Variants in DLC1 observed in about 807,000 individuals in gnomAD.
The protein encoded by DLC1 is rho GTPase-activating protein 7.
DLC1 carries 54 observed loss-of-function variants against 140.3 expected under a neutral mutation model. The ratio of observed to expected loss-of-function variants is 0.38; its 90% CI spans 0.31 to 0.48. DLC1 has a LOEUF of 0.48. Among genes scored for constraint, DLC1 ranks in the 20% least tolerant of loss-of-function variants. The pLI, the probability that DLC1 is intolerant of heterozygous loss-of-function variation, is 0.96. For synonymous variants in DLC1, 986 were observed against 728.1 expected (o/e 1.35, Z -5.70); for missense variants, 2,536 against 1,907.0 (o/e 1.33, Z -6.14).
At chr8:13,558,656 C>G (rs1363285905) in intron 1 of DLC1, 1 of 152,044 alleles carries the variant, frequency 6.6e-6, no homozygotes, top group Non-Finnish European at 1.5e-5. Flanking sequence ...TTACATAATA[C>G]CTTATGATAA....
chr8:13,545,951 C>G (rs1803636035), intron 1 of DLC1, among the ~76,000 whole-genome samples: 1 of 151,824 alleles, frequency 6.6e-6, no homozygotes, highest in Non-Finnish European at 1.5e-5. Context: ...ATTTTAAAGC[C>G]CACTGGGATA....
At chr8:13,338,638 TGA>T (rs1488581432) in intron 4 of DLC1, 1 of 152,202 alleles carries the variant, frequency 6.6e-6, no homozygotes, top group Non-Finnish European at 1.5e-5. Flanking sequence ...AGTTCAGTTC[TGA>T]GAAGTCTATT....
At chr8:13,473,715 C>G (rs961965184) in intron 2 of DLC1, among the ~76,000 whole-genome samples, 1 of 152,092 alleles carries the variant, frequency 6.6e-6, no homozygotes, top group Non-Finnish European at 1.5e-5. Flanking sequence ...TTGTTGGGAA[C>G]TGGAACAAAG....
intron 5 of DLC1, among the ~76,000 whole-genome samples, chr8:13,160,741 A>G (rs7000194): frequency 0.53 from 79,943 of 151,936 alleles, 21,454 homozygotes; most frequent in Middle Eastern, 0.6. Flanking sequence ...ATATCCTTCA[A>G]TGTTTTTGTG....
At chr8:13,375,337 G>C (rs1395311425) in intron 4 of DLC1, among the ~76,000 whole-genome samples, 1 of 152,142 alleles carries the variant, frequency 6.6e-6, no homozygotes, top group African/African-American at 2.4e-5. Flanking sequence ...AAGAATGCTT[G>C]TGATTTTTGC....
At chr8:13,128,895 C>G (rs1203972762) in intron 5 of DLC1, among the ~76,000 whole-genome samples, 1 of 151,734 alleles carries the variant, frequency 6.6e-6, no homozygotes, top group Non-Finnish European at 1.5e-5. Flanking sequence ...TCTTCCTGTT[C>G]TCCATTAATT....
chr8:13,410,839 C>T (rs1016744045), intron 2 of DLC1, among the ~76,000 whole-genome samples: 2 of 152,082 alleles, frequency 1.3e-5, no homozygotes, highest in African/African-American at 4.8e-5. Context: ...TGATGCAAAC[C>T]AAGAATCTGC....
intron 1 of DLC1, among the ~76,000 whole-genome samples, chr8:13,545,539 T>G (rs1803624087): frequency 6.6e-6 from 1 of 152,120 alleles, no homozygotes; most frequent in Non-Finnish European, 1.5e-5. Flanking sequence ...ACTCTTCTTA[T>G]TCTCTGCTCA....
chr8:13,366,134 C>T (rs949648808), intron 4 of DLC1, among the ~76,000 whole-genome samples: 86 of 152,322 alleles, frequency 5.6e-4, no homozygotes, highest in African/African-American at 1.1e-3. Flanking sequence ...CTCTACGGCT[C>T]GTCCAGCTAG....
At chr8:13,331,476 G>C (rs1833586581) in intron 4 of DLC1, among the ~76,000 whole-genome samples, 1 of 152,276 alleles carries the variant, frequency 6.6e-6, no homozygotes, top group Middle Eastern at 3.4e-3. Context: ...TGGTTATTAT[G>C]AGGATAAATA....
intron 2 of DLC1, chr8:13,498,734 G>A (rs1244840620): frequency 9.1e-6 from 2 of 220,912 alleles, no homozygotes; most frequent in East Asian, 9.4e-5. Context: ...GCCTTGAATT[G>A]CATGTCTATG....
At chr8:13,273,998 C>T (rs1448338838) in intron 5 of DLC1, among the ~76,000 whole-genome samples, 2 of 152,132 alleles carry the variant, frequency 1.3e-5, no homozygotes, top group Non-Finnish European at 1.5e-5. Context: ...TACCTGTTAC[C>T]TCATTAATTT....
At chr8:13,399,950 C>T (rs529801812) in intron 3 of DLC1, among the ~76,000 whole-genome samples, 1 of 152,054 alleles carries the variant, frequency 6.6e-6, no homozygotes, top group African/African-American at 2.4e-5. Context: ...GCAGTTTGTC[C>T]TCTGTATCTG....
At chr8:13,478,993 T>C (rs1221622847) in intron 2 of DLC1, among the ~76,000 whole-genome samples, 2 of 152,240 alleles carry the variant, frequency 1.3e-5, no homozygotes, top group Non-Finnish European at 2.9e-5. Flanking sequence ...ACATTTGATC[T>C]TACTTTCCTT....
At chr8:13,337,577 C>A (rs1397153973) in intron 4 of DLC1, among the ~76,000 whole-genome samples, 1 of 152,092 alleles carries the variant, frequency 6.6e-6, no homozygotes, top group East Asian at 1.9e-4. Flanking sequence ...CCACACTGCT[C>A]AATTTTCTGT....
At chr8:13,373,948 T>G (rs1453641216) in intron 4 of DLC1, among the ~76,000 whole-genome samples, 1 of 152,210 alleles carries the variant, frequency 6.6e-6, no homozygotes, top group African/African-American at 2.4e-5. Flanking sequence ...TATGGAAAAT[T>G]TGGCATAATT....
intron 4 of DLC1, among the ~76,000 whole-genome samples, chr8:13,353,922 T>C (rs1344227665): frequency 6.6e-6 from 1 of 152,122 alleles, no homozygotes; most frequent in Non-Finnish European, 1.5e-5. Context: ...GTCAATGGCA[T>C]AGTTCTTGAT....
rs149365785 is a variant in DLC1 at position 13,582,263 on chromosome 8, C to G, written c.-126+22274G>C. Reference sequence around the variant, plus strand: ...CAAAATGAAACATTTTGCATACACTCTCTTCAAGAAAACACCAGTATACTA... The same window carrying G: ...CAAAATGAAACATTTTGCATACACTGTCTTCAAGAAAACACCAGTATACTA... On this transcript the variant is annotated intron_variant, in intron 1 of 1. Coordinates refer to the DLC1 transcript ENST00000631382. 1.9e-4 allele frequency among the ~76,000 whole-genome samples: 29 copies of G among 152,296 alleles called. 1 individual carries two copies. In the East Asian group the frequency reaches 4.6e-3, roughly 24 times the overall value.
chr8:13,171,627 A>G (rs778247456), intron 5 of DLC1, among the ~76,000 whole-genome samples: 1 of 152,148 alleles, frequency 6.6e-6, no homozygotes. Flanking sequence ...GCCTCAAGCA[A>G]TCCTCCCTCC....
Sources: allele counts gnomAD v4.1 joint callset (sites outside exome capture counted in the v4.1 genomes callset), GRCh38; gene constraint gnomAD v4.1.1; transcripts MANE v1.5; gene names NCBI Gene and HGNC (gene_info 2026-07-23, HGNC 2026-07-21).